Variants in GRM1 observed in about 807,000 individuals in gnomAD.
GRM1 encodes metabotropic glutamate receptor 1.
In GRM1, 33 loss-of-function variants were observed where a neutral mutation model predicts 90.9. The ratio of observed to expected loss-of-function variants is 0.36; its 90% CI spans 0.28 to 0.49. The LOEUF (loss-of-function observed/expected upper bound fraction) is 0.49. GRM1 is among the 20% of genes least tolerant of loss of function. The pLI is 0.99. For synonymous variants in GRM1, 700 were observed against 613.2 expected (o/e 1.14, Z -2.09); for missense variants, 1,190 against 1,534.3 (o/e 0.78, Z 3.75).
chr6:146,070,084 G>A (rs1471521244), intron 1 of GRM1, among the ~76,000 whole-genome samples: 1 of 152,108 alleles, frequency 6.6e-6, no homozygotes, highest in Non-Finnish European at 1.5e-5. Flanking sequence ...AAAATAAATA[G>A]AACCTGGTTG....
At chr6:146,172,534 TG>T (rs1778171609) in intron 2 of GRM1, among the ~76,000 whole-genome samples, 1 of 152,176 alleles carries the variant, frequency 6.6e-6, no homozygotes, top group South Asian at 2.1e-4. Context: ...ATTAGTAGTC[TG>T]TGGAAAAAGC....
Position 146,352,328 on chromosome 6 carries a change from A to G in GRM1, c.1265A>G (p.His422Arg). Residue 422 changes from histidine (H) to arginine (R), a missense_variant, in exon 4 of 8, where the codon CAT (histidine) becomes CGT (arginine). Coordinates refer to ENST00000282753, the MANE Select transcript of GRM1 (RefSeq NM_001278064.2). ...FVINAIYAMA[H>R]GLQNMHHALC... ...ATCAATGCCATCTATGCCATGGCAC[A>G]TGGGCTGCAGAACATGCACCATGCC... 6.2e-7 allele frequency: 1 copy of G among 1,613,982 alleles called. No homozygotes were observed. The highest frequency in any genetic ancestry group is 8.5e-7 in the Non-Finnish European group (1 of 1,179,802).
At chr6:146,063,435 TTTTA>T (rs1369130407) in intron 1 of GRM1, among the ~76,000 whole-genome samples, 1 of 152,206 alleles carries the variant, frequency 6.6e-6, no homozygotes, top group Non-Finnish European at 1.5e-5. Context: ...TTGAAGATTA[TTTTA>T]TTTGTGTTAA....
intron 1 of GRM1, among the ~76,000 whole-genome samples, chr6:146,046,573 T>C (rs1791338443): frequency 6.6e-6 from 1 of 152,020 alleles, no homozygotes; most frequent in African/African-American, 2.4e-5. Context: ...GTAACCCTCA[T>C]ATTTATATCA....
intron 7 of GRM1, chr6:146,426,609 T>G: frequency 6.2e-7 from 1 of 1,603,142 alleles, no homozygotes; most frequent in Non-Finnish European, 8.5e-7. Context: ...TCGGCACATG[T>G]GCAGCTTTGA....
intron 1 of GRM1, among the ~76,000 whole-genome samples, chr6:146,149,588 G>A (rs1777240280): frequency 6.6e-6 from 1 of 152,148 alleles, no homozygotes; most frequent in Non-Finnish European, 1.5e-5. Flanking sequence ...ACTTAGAAAA[G>A]AAAATACTTT....
chr6:146,347,959 A>T (rs1287243517), intron 3 of GRM1, among the ~76,000 whole-genome samples: 4 of 152,242 alleles, frequency 2.6e-5, no homozygotes, highest in Non-Finnish European at 5.9e-5. Context: ...TTTAGAACCA[A>T]GGCAGCTATT....
chr6:146,350,519 A>T (rs1785367064), intron 3 of GRM1, among the ~76,000 whole-genome samples: 1 of 151,626 alleles, frequency 6.6e-6, no homozygotes, highest in South Asian at 2.1e-4. Flanking sequence ...AGTAGCTTTA[A>T]TATTTAGCAT....
At chr6:146,065,889 G>GGTT (rs1466746036) in intron 1 of GRM1, among the ~76,000 whole-genome samples, 9 of 152,016 alleles carry the variant, frequency 5.9e-5, no homozygotes, top group Non-Finnish European at 1.3e-4. Flanking sequence ...TGCTCCATGT[G>GGTT]GTTGTATAAG....
chr6:146,298,681 A>G (rs548274060), intron 2 of GRM1, among the ~76,000 whole-genome samples: 2 of 152,256 alleles, frequency 1.3e-5, no homozygotes, highest in African/African-American at 4.8e-5. Flanking sequence ...CTGAGCTCCT[A>G]ATGACATAGA....
At chr6:146,403,603 CT>C (rs1777231079) in intron 7 of GRM1, among the ~76,000 whole-genome samples, 1 of 152,004 alleles carries the variant, frequency 6.6e-6, no homozygotes, top group Admixed American at 6.6e-5. Flanking sequence ...ACTTTGTTCT[CT>C]GCTAGAAATA....
chr6:146,094,973 T>C (rs1184418401), intron 1 of GRM1, among the ~76,000 whole-genome samples: 3 of 152,098 alleles, frequency 2.0e-5, no homozygotes, highest in Admixed American at 1.3e-4. Flanking sequence ...ATTCAGATGT[T>C]CATAGAGTTG....
chr6:146,418,808 C>A (rs1777880366), intron 7 of GRM1, among the ~76,000 whole-genome samples: 1 of 151,976 alleles, frequency 6.6e-6, no homozygotes, highest in Non-Finnish European at 1.5e-5. Context: ...TTGTACCTAC[C>A]CAGGCAGTCC....
chr6:146,103,798 A>G (rs1777130137), intron 1 of GRM1, among the ~76,000 whole-genome samples: 1 of 152,224 alleles, frequency 6.6e-6, no homozygotes, highest in African/African-American at 2.4e-5. Flanking sequence ...TTAAGGCAAG[A>G]TTCCTATTCT....
intron 4 of GRM1, among the ~76,000 whole-genome samples, chr6:146,353,167 A>C (rs1785466494): frequency 6.6e-6 from 1 of 152,214 alleles, no homozygotes; most frequent in Admixed American, 6.5e-5. Flanking sequence ...TGATACTACC[A>C]GTTAGCTCAA....
At chr6:146,065,100 G>A (rs114234988) in intron 1 of GRM1, among the ~76,000 whole-genome samples, 263 of 152,176 alleles carry the variant, frequency 1.7e-3, no homozygotes, top group African/African-American at 6.2e-3. Flanking sequence ...TCATCTTTCA[G>A]TTATGAACCC....
intron 1 of GRM1, among the ~76,000 whole-genome samples, chr6:146,105,324 C>G (rs1294219260): frequency 6.6e-6 from 1 of 151,916 alleles, no homozygotes; most frequent in African/African-American, 2.4e-5. Flanking sequence ...AGTAAGTAGC[C>G]TTTAAACTAG....
At chr6:146,137,106 G>A (rs1776654619) in intron 1 of GRM1, among the ~76,000 whole-genome samples, 1 of 151,996 alleles carries the variant, frequency 6.6e-6, no homozygotes, top group African/African-American at 2.4e-5. Flanking sequence ...ACCCGCCTTG[G>A]CCTCCCAAAG....
At chr6:146,343,353 C>T (rs1785050776) in intron 3 of GRM1, among the ~76,000 whole-genome samples, 1 of 152,182 alleles carries the variant, frequency 6.6e-6, no homozygotes, top group Admixed American at 6.5e-5. Context: ...GAAAGCTACT[C>T]ACTCAGTGTA....
Sources: allele counts gnomAD v4.1 joint callset (sites outside exome capture counted in the v4.1 genomes callset), GRCh38; gene constraint gnomAD v4.1.1; transcripts MANE v1.5; gene names NCBI Gene and HGNC (gene_info 2026-07-23, HGNC 2026-07-21).